Variants in ROCK2 observed in about 807,000 individuals in gnomAD.
The protein encoded by ROCK2 is Rho associated coiled-coil containing protein kinase 2, also known as rho-associated protein kinase 2.
In ROCK2, 61 loss-of-function variants were observed where a neutral mutation model predicts 195.1. The ratio of observed to expected loss-of-function variants is 0.31; its 90% confidence interval spans 0.25 to 0.39. The LOEUF is 0.39. Among genes scored for constraint, ROCK2 ranks in the 10% least tolerant of loss-of-function variants. ROCK2 has a pLI of 1.00. For missense variants in ROCK2, 1,109 were observed against 1,637.4 expected (o/e 0.68, Z 5.57); for synonymous variants, 504 against 545.5 (o/e 0.92, Z 1.06).
intron 1 of ROCK2, among the ~76,000 whole-genome samples, chr2:11,328,548 T>C (rs1668617777): frequency 6.6e-6 from 1 of 152,188 alleles, no homozygotes; most frequent in Admixed American, 6.5e-5. Flanking sequence ...GAACATCTCA[T>C]TAATTAACAC....
rs760230636 is a variant in ROCK2 at position 11,198,598 on chromosome 2, A to T, written c.3005-13T>A. ...AATCTTGACAGTTCTGAAACATGGAAAAAAGTTAAAATTACATTGGTAATT... is the reference window on the plus strand; with the variant it reads ...AATCTTGACAGTTCTGAAACATGGATAAAAGTTAAAATTACATTGGTAATT... On this transcript the variant is annotated splice_polypyrimidine_tract_variant and intron_variant, in intron 24 of 32. Coordinates refer to ENST00000315872, the MANE Select transcript of ROCK2 (RefSeq NM_004850.5). 6.2e-7 allele frequency: 1 copy of T among 1,609,284 alleles called. No homozygotes were observed. The highest frequency in any genetic ancestry group is 1.1e-5 in the South Asian group (1 of 90,578).
intron 11 of ROCK2, chr2:11,218,036 C>T (rs1664492799): frequency 6.4e-6 from 1 of 156,214 alleles, no homozygotes; most frequent in African/African-American, 2.4e-5. Flanking sequence ...TGGCAATGTA[C>T]TTTCCATTAT....
rs889886865 is a variant in ROCK2, at chr2:11,227,360, C to T, written c.762G>A (p.Pro254=). ...TCAGAACCTCAGGTGATATATAATC[C>T]GGTGTTCCAACTGCTGTATCACAAT... ...MVHCDTAVGT[P]DYISPEVLKS... is the part of the protein sequence containing the mutation. The change falls in exon 6 of 33, where the codon CCG becomes CCA. Residue 254 remains proline, a synonymous_variant. Transcript: ENST00000315872. 29 of 1,613,562 alleles carry T rather than the reference C, an allele frequency of 1.8e-5. No homozygotes were observed. Among genetic ancestry groups the T allele is most frequent in the East Asian group, 6.7e-5 (3 of 44,862 alleles).
chr2:11,195,074 A>G (rs1663578536), intron 27 of ROCK2, 49 bp from the exon 28 acceptor site: 1 of 1,000,642 alleles, frequency 1.0e-6, no homozygotes, highest in Non-Finnish European at 1.5e-6. Flanking sequence ...TTCTCCTTAG[A>G]TAACAAAGAA....
At chr2:11,315,470 A>T (rs567562317) in intron 1 of ROCK2, among the ~76,000 whole-genome samples, 148 of 134,612 alleles carry the variant, frequency 1.1e-3, no homozygotes, top group African/African-American at 3.4e-3. Flanking sequence ...TAAAACTAGT[A>T]AAAAAAAACA....
intron 1 of ROCK2, among the ~76,000 whole-genome samples, chr2:11,330,095 A>G (rs1009528480): frequency 6.6e-6 from 1 of 152,220 alleles, no homozygotes; most frequent in Non-Finnish European, 1.5e-5. Flanking sequence ...AACTGGAAAA[A>G]TACTTCCAAT....
chr2:11,292,372 C>A (rs1667389016), intron 1 of ROCK2, among the ~76,000 whole-genome samples: 1 of 152,054 alleles, frequency 6.6e-6, no homozygotes, highest in South Asian at 2.1e-4. Flanking sequence ...TTCCTCACAG[C>A]ATATAAGTTA....
intron 1 of ROCK2, among the ~76,000 whole-genome samples, chr2:11,334,783 G>A (rs1045648064): frequency 6.6e-6 from 1 of 150,426 alleles, no homozygotes; most frequent in African/African-American, 2.4e-5. Flanking sequence ...TCATTTCCAT[G>A]GCATAGAAAC....
intron 1 of ROCK2, among the ~76,000 whole-genome samples, chr2:11,296,264 A>C (rs1038971056): frequency 2.6e-5 from 4 of 152,162 alleles, no homozygotes; most frequent in Non-Finnish European, 4.4e-5. Flanking sequence ...GCTACTCTGA[A>C]TATAGAGCTA....
intron 20 of ROCK2, among the ~76,000 whole-genome samples, chr2:11,203,135 T>TAAAAAA (rs1241318312): frequency 6.6e-6 from 1 of 152,174 alleles, no homozygotes; most frequent in Non-Finnish European, 1.5e-5. Flanking sequence ...AAATAATAAA[T>TAAAAAA]AAAATAAAAG....
At chr2:11,291,935 T>C (rs754165012) in intron 1 of ROCK2, among the ~76,000 whole-genome samples, 8 of 152,258 alleles carry the variant, frequency 5.3e-5, no homozygotes, top group Non-Finnish European at 7.4e-5. Context: ...CATCATGGCA[T>C]CTTAGAAGCC....
chr2:11,230,781 T>G (rs1225914880), intron 5 of ROCK2, among the ~76,000 whole-genome samples: 2 of 152,170 alleles, frequency 1.3e-5, no homozygotes, highest in African/African-American at 2.4e-5. Context: ...GATAACTTAC[T>G]GAAAACACAA....
chr2:11,214,898 A>C lies in ROCK2; in HGVS notation c.1878T>G (p.Ala626=), dbSNP rs749813041. 3 of 1,613,798 alleles carry C rather than the reference A, an allele frequency of 1.9e-6. No individual in the cohort carries two copies. In the East Asian group the frequency reaches 6.7e-5, roughly 36 times the overall value. ...LEKEFINLQS[A]LESERRDRTH... ...TTCGATCCCTCCTTTCAGATTCTAG[A>C]GCTGACTGAAGATTGATAAATTCCT... The change falls in exon 16 of 33, where the codon GCT becomes GCG. Residue 626 remains alanine (A), a synonymous_variant. Transcript: ENST00000315872.
At chr2:11,183,521 T>C (rs1572210753) in intron 32 of ROCK2, 81 bp from the exon 33 acceptor site, 1 of 1,048,844 alleles carries the variant, frequency 9.5e-7, no homozygotes, top group East Asian at 2.5e-5. Context: ...AGCATTCCAT[T>C]CACATTATTA....
intron 1 of ROCK2, among the ~76,000 whole-genome samples, chr2:11,295,670 G>A (rs1667488390): frequency 6.6e-6 from 1 of 152,018 alleles, no homozygotes; most frequent in Non-Finnish European, 1.5e-5. Context: ...ACTACCTTAA[G>A]AGAAGGCCTG....
rs1663050901 is a variant in ROCK2 at position 11,182,677 on chromosome 2, T to G, written c.*760A>C. On this transcript the variant is annotated 3_prime_UTR_variant, in exon 33 of 33. Coordinates refer to ENST00000315872, the MANE Select transcript of ROCK2 (RefSeq NM_004850.5). ...TTTAATACAGACAGGGCTGAGACTT[T>G]GAAAAAAATTAAATTAAGGCATTCA... 1 of 152,592 alleles carries G rather than the reference T, an allele frequency of 6.6e-6. No individual in the cohort carries two copies. The highest frequency in any genetic ancestry group is 1.5e-5 in the Non-Finnish European group (1 of 68,030). The allele number at this position is 152,592 out of a possible 1,614,324, so 9.5% of individuals were successfully genotyped here. A position where few individuals can be genotyped will look rare whatever the true frequency, so the allele number is the denominator to read the frequency against.
chr2:11,281,044 T>C (rs1453650332), intron 3 of ROCK2, among the ~76,000 whole-genome samples: 1 of 152,052 alleles, frequency 6.6e-6, no homozygotes, highest in Non-Finnish European at 1.5e-5. Context: ...AAAAGAATTA[T>C]ACGCCACAAC....
intron 1 of ROCK2, among the ~76,000 whole-genome samples, chr2:11,339,276 A>C (rs1259853149): frequency 6.6e-6 from 1 of 152,220 alleles, no homozygotes; most frequent in Admixed American, 6.5e-5. Context: ...TAAAGAAAAT[A>C]CAGCAAATAC....
rs1553317356 is a variant in ROCK2 at position 11,317,576 on chromosome 2, T to TTTTA, written c.141+26419_141+26420insTAAA. ...TTTAAAGCCGCCCTGATCTACACAT[T>TTTTA]TATATATATATATATATATATATAT... On this transcript the variant is annotated intron_variant, in intron 1 of 32. Coordinates refer to ENST00000315872, the MANE Select transcript of ROCK2 (RefSeq NM_004850.5). Among the ~76,000 whole-genome samples the TTTTA allele has an allele frequency of 5.7e-4, 17 of 29,584 alleles. 1 individual carries two copies. Among genetic ancestry groups the TTTTA allele is most frequent in the African/African-American group, 2.6e-3 (17 of 6,436 alleles). The allele number at this position is 29,584 out of a possible 152,430, so 19.4% of individuals were successfully genotyped here. A position where few individuals can be genotyped will look rare whatever the true frequency, so the allele number is the denominator to read the frequency against.
Sources: allele counts gnomAD v4.1 joint callset (sites outside exome capture counted in the v4.1 genomes callset), GRCh38; gene constraint gnomAD v4.1.1; transcripts MANE v1.5; gene names NCBI Gene and HGNC (gene_info 2026-07-23, HGNC 2026-07-21).